The following CMC2 variants were observed in gnomAD, a reference collection of about 807,000 sequenced individuals.
CMC2 encodes the protein C-X9-C motif containing 2, also known as COX assembly mitochondrial protein 2 homolog.
Under a neutral mutation model 7.5 loss-of-function variants are expected in CMC2, and 5 were observed. That is an observed-to-expected ratio of 0.66 (90% confidence interval 0.35 to 1.40). The LOEUF is 1.40. Ranked by LOEUF, CMC2 falls within the 40% of genes most tolerant of loss-of-function variation. The pLI, the probability that CMC2 is intolerant of heterozygous loss-of-function variation, is 0.04. For synonymous variants in CMC2, 37 were observed against 31.4 expected, an observed-to-expected ratio of 1.18 and a Z score of -0.60; for missense variants, 115 against 92.3, an observed-to-expected ratio of 1.25 and a Z score of -1.01.
At chr16:81,004,614 C>CA (rs1486941157) in intron 1 of CMC2, among the ~76,000 whole-genome samples, 8 of 152,192 alleles carry the variant, frequency 5.3e-5, no homozygotes, top group African/African-American at 1.9e-4. Context: ...TTTCAGCTGT[C>CA]AAATGTGTTT....
chr16:80,975,021 G>C lies in CMC2; in HGVS notation c.*1072C>G, dbSNP rs1476071455. On this transcript the variant is annotated 3_prime_UTR_variant, in exon 4 of 4. Transcript: ENST00000219400. ...CTAGAAGGAGCTCACAGCTGAGTCTGTTCCCTGACACCTGACAAGATCAAG... is the reference window on the plus strand; with the variant it reads ...CTAGAAGGAGCTCACAGCTGAGTCTCTTCCCTGACACCTGACAAGATCAAG... 6.6e-6 allele frequency: 1 copy of C among 152,266 alleles called. No individual in the cohort carries two copies. The highest frequency in any genetic ancestry group is 1.5e-5 in the Non-Finnish European group (1 of 68,052). The allele number at this position is 152,266 out of a possible 1,614,324, so 9.4% of individuals were successfully genotyped here.
At chr16:80,989,409 C>T (rs1350322620) in intron 2 of CMC2, among the ~76,000 whole-genome samples, 2 of 152,134 alleles carry the variant, frequency 1.3e-5, no homozygotes, top group African/African-American at 4.8e-5. Context: ...ATTTTCATTA[C>T]TTTGATGCTC....
chr16:80,980,253 G>A (rs1318390744), intron 3 of CMC2, among the ~76,000 whole-genome samples: 2 of 151,904 alleles, frequency 1.3e-5, no homozygotes, highest in Non-Finnish European at 2.9e-5. Context: ...TATTTTTCAT[G>A]TAAACTGGCT....
Position 80,967,919 on chromosome 16 carries a change from T to G in CMC2, c.*8174A>C, listed in dbSNP as rs1195191371. On this transcript the variant is annotated 3_prime_UTR_variant, in exon 4 of 4. Transcript: ENST00000219400. ...CATACCATATTAACGCTTCCTATTT[T>G]TTTTTCAAATCACATTCTCAACATA... The G allele has an allele frequency of 1.3e-5, 2 of 152,220 alleles. No homozygotes were observed. Among genetic ancestry groups the G allele is most frequent in the African/African-American group, 4.8e-5 (2 of 41,454 alleles). The allele number at this position is 152,220 out of a possible 1,614,324, so 9.4% of individuals were successfully genotyped here. A position where few individuals can be genotyped will look rare whatever the true frequency, so the allele number is the denominator to read the frequency against.
chr16:80,991,463 C>T (rs1050649828), intron 2 of CMC2, among the ~76,000 whole-genome samples: 3 of 152,044 alleles, frequency 2.0e-5, no homozygotes, highest in Admixed American at 1.3e-4. Flanking sequence ...GGCGAAAACC[C>T]GTTCTCTACA....
Position 80,994,917 on chromosome 16 carries a change from A to G in CMC2, c.81+2397T>C, listed in dbSNP as rs546741415. Among the ~76,000 whole-genome samples the G allele has an allele frequency of 1.8e-3, 271 of 151,752 alleles. 3 individuals carry two copies. Among genetic ancestry groups the G allele is most frequent in the African/African-American group, 6.1e-3 (253 of 41,404 alleles). ...TCCCAGCACTTTGGGGGGCCATGGC[A>G]GGTGGATCACCTGAGATCAGGAGTT... On this transcript the variant is annotated intron_variant, in intron 2 of 3. Transcript: ENST00000219400.
Position 80,971,597 on chromosome 16 carries a change from TGC to T in CMC2, c.*4494_*4495del, listed in dbSNP as rs369911515. On this transcript the variant is annotated 3_prime_UTR_variant, in exon 4 of 4. Transcript: ENST00000219400. ...ATATATATATATATGTATGAAATCATGCATATATATATATGTATGAAATCATG... is the reference window on the plus strand; with the variant it reads ...ATATATATATATATGTATGAAATCATATATATATATATGTATGAAATCATG... 1.4e-3 allele frequency: 172 copies of T among 124,770 alleles called. 3 individuals carry two copies. The highest frequency in any genetic ancestry group is 4.6e-3 in the African/African-American group (119 of 25,880). 7.7% of individuals were successfully genotyped at this position (124,770 alleles called of 1,614,324 possible). A position where few individuals can be genotyped will look rare whatever the true frequency, so the allele number is the denominator to read the frequency against.
Position 80,967,999 on chromosome 16 carries a change from G to A in CMC2, c.*8094C>T, listed in dbSNP as rs990706498. The stretch of plus-strand genomic sequence containing the variant: ...AACTTAAATACAAAAGTTATTTGAG[G>A]AAACTGCTTAAAAATTAAATGCAGA... On this transcript the variant is annotated 3_prime_UTR_variant, in exon 4 of 4. Coordinates refer to ENST00000219400, the MANE Select transcript of CMC2 (RefSeq NM_020188.5). The A allele has an allele frequency of 1.3e-5, 2 of 151,964 alleles. No individual in the cohort carries two copies. The highest frequency in any genetic ancestry group is 2.9e-5 in the Non-Finnish European group (2 of 67,996). 9.4% of individuals were successfully genotyped at this position (151,964 alleles called of 1,614,324 possible).
At chr16:80,991,252 AG>A (rs1967969174) in intron 2 of CMC2, among the ~76,000 whole-genome samples, 1 of 152,180 alleles carries the variant, frequency 6.6e-6, no homozygotes, top group Admixed American at 6.5e-5. Flanking sequence ...TTGGAGGAAC[AG>A]GGTAACTTCC....
At position 80,972,439 on chromosome 16, in the gene CMC2, T is replaced by TTC. The variant is rs1202322174; in HGVS notation, c.*3652_*3653dup. 1 of 152,164 alleles carries TTC rather than the reference T, an allele frequency of 6.6e-6. No individual in the cohort carries two copies. The highest frequency in any genetic ancestry group is 1.5e-5 in the Non-Finnish European group (1 of 68,036). The allele number at this position is 152,164 out of a possible 1,614,324, so 9.4% of individuals were successfully genotyped here. On this transcript the variant is annotated 3_prime_UTR_variant, in exon 4 of 4. Coordinates refer to ENST00000219400, the MANE Select transcript of CMC2 (RefSeq NM_020188.5). ...CAGGCAGATCAATGGCATAATTTGG[T>TTC]TCAGCCCAAGCCCTTTCTATAGAAA...
In CMC2 at chr16:80,968,715, T is replaced by C. The variant is rs940878854; in HGVS notation, c.*7378A>G. 1 of 152,108 alleles carries C rather than the reference T, an allele frequency of 6.6e-6. No homozygotes were observed. The highest frequency in any genetic ancestry group is 2.1e-4 in the South Asian group (1 of 4,826). 9.4% of individuals were successfully genotyped at this position (152,108 alleles called of 1,614,324 possible). On this transcript the variant is annotated 3_prime_UTR_variant, in exon 4 of 4. Transcript: ENST00000219400. The stretch of plus-strand genomic sequence containing the variant: ...CAAATACTAGATAGCATATATCAAA[T>C]ATAGTTTTTAAAGGTGTAGTTGAGC...
rs114080651 is a variant in CMC2 at position 80,976,836 on chromosome 16, C to T, written c.154-657G>A. 5.1e-3 allele frequency among the ~76,000 whole-genome samples: 783 copies of T among 152,274 alleles called. 4 individuals carry two copies. The highest frequency in any genetic ancestry group is 0.016 in the African/African-American group (673 of 41,550). The stretch of plus-strand genomic sequence containing the variant: ...CAGATAACCCACTTACTACCTTTTG[C>T]GCTGAACATTGCTAGTTTCCACAAC... On this transcript the variant is annotated intron_variant, in intron 3 of 3. Transcript: ENST00000219400.
Position 80,985,571 on chromosome 16 carries a change from A to C in CMC2, c.82-3694T>G, listed in dbSNP as rs924426957. Among the ~76,000 whole-genome samples the C allele has an allele frequency of 4.6e-5, 7 of 152,230 alleles. No individual in the cohort carries two copies. The East Asian group carries it at 1.4e-3, about 29-fold the overall frequency. ...CTCAGCCTTCATTTCTAATCCAATAAATATTGTAGATATCACCCACATAAA... is the reference window on the plus strand; with the variant it reads ...CTCAGCCTTCATTTCTAATCCAATACATATTGTAGATATCACCCACATAAA... On this transcript the variant is annotated intron_variant, in intron 2 of 3. Coordinates refer to ENST00000219400, the MANE Select transcript of CMC2 (RefSeq NM_020188.5).
chr16:81,004,975 A>G (rs1969148715), intron 1 of CMC2, among the ~76,000 whole-genome samples: 1 of 152,216 alleles, frequency 6.6e-6, no homozygotes, highest in African/African-American at 2.4e-5. Context: ...CTTTAGAAAG[A>G]TTTTCCTATT....
chr16:80,991,652 A>T (rs1968002302), intron 2 of CMC2: 1 of 195,004 alleles, frequency 5.1e-6, no homozygotes, highest in Non-Finnish European at 1.1e-5. Flanking sequence ...AAAAAAAAAA[A>T]GGTACAGAAA....
intron 2 of CMC2, among the ~76,000 whole-genome samples, chr16:80,990,821 T>A (rs1457243749): frequency 6.6e-6 from 1 of 152,054 alleles, no homozygotes; most frequent in South Asian, 2.1e-4. Context: ...CAGGCTCAAG[T>A]GATCCTCCCA....
intron 2 of CMC2, chr16:80,991,719 T>A: frequency 3.5e-6 from 1 of 289,552 alleles, no homozygotes; most frequent in East Asian, 9.1e-5. Flanking sequence ...ATAAATTATG[T>A]TGTAGTATGC....
At chr16:80,980,259 T>C (rs1161648633) in intron 3 of CMC2, among the ~76,000 whole-genome samples, 1 of 151,760 alleles carries the variant, frequency 6.6e-6, no homozygotes. Flanking sequence ...TCATGTAAAC[T>C]GGCTTTTTCA....
chr16:81,006,791 C>G lies in CMC2; in HGVS notation c.-93G>C, dbSNP rs2151666395. On this transcript the variant is annotated 5_prime_UTR_variant, in exon 1 of 4. Coordinates refer to ENST00000219400, the MANE Select transcript of CMC2 (RefSeq NM_020188.5). ...GGCAGTAGCCGGCGGAGACGCCCGA[C>G]CCGAAGGCCGGCTGCTAGGGAGCAG... The G allele has an allele frequency of 3.0e-6, 3 of 985,690 alleles. No homozygotes were observed. The highest frequency in any genetic ancestry group is 3.5e-5 in the African/African-American group (2 of 57,366). The allele number at this position is 985,690 out of a possible 1,614,324, so 61.1% of individuals were successfully genotyped here.
Sources: gnomAD v4.1 joint callset for allele counts (sites outside exome capture counted in the v4.1 genomes callset) on GRCh38, gnomAD v4.1.1 for gene constraint, MANE v1.5 for transcripts, NCBI Gene and HGNC (gene_info 2026-07-23, HGNC 2026-07-21) for gene names.